The following SCFD2 variants were observed in gnomAD, a reference collection of about 807,000 sequenced individuals.
SCFD2 encodes the protein sec1 family domain-containing protein 2.
A neutral mutation model predicts 58.9 loss-of-function variants in SCFD2; 54 were observed. That is an observed-to-expected ratio of 0.92 (90% confidence interval 0.74 to 1.15). The LOEUF (loss-of-function observed/expected upper bound fraction) is 1.15, where lower values mean the gene tolerates loss of function less well. Among genes scored for constraint, SCFD2 ranks in the 50% most tolerant of loss-of-function variants. The pLI is 0.00. For missense variants in SCFD2, 805 were observed against 836.6 expected, an observed-to-expected ratio of 0.96 and a Z score of 0.47; for synonymous variants, 321 against 335.9, an observed-to-expected ratio of 0.96 and a Z score of 0.49.
At chr4:53,300,386 CAAG>C (rs1398696464) in intron 3 of SCFD2, among the ~76,000 whole-genome samples, 2 of 152,168 alleles carry the variant, frequency 1.3e-5, no homozygotes, top group African/African-American at 2.4e-5. Flanking sequence ...ATCAATTCAA[CAAG>C]AAGAACTAAC....
At chr4:52,912,459 G>A (rs1315682571) in intron 6 of SCFD2, among the ~76,000 whole-genome samples, 4 of 151,950 alleles carry the variant, frequency 2.6e-5, no homozygotes, top group Admixed American at 2.0e-4. Flanking sequence ...AGTAAACGAT[G>A]TAAATATTAA....
chr4:53,002,680 G>A (rs1721889095), intron 5 of SCFD2, among the ~76,000 whole-genome samples: 1 of 152,110 alleles, frequency 6.6e-6, no homozygotes. Context: ...AGATCTATAA[G>A]CAAATATATA....
At chr4:53,157,745 T>C (rs1726733373) in intron 4 of SCFD2, among the ~76,000 whole-genome samples, 1 of 152,184 alleles carries the variant, frequency 6.6e-6, no homozygotes, top group Non-Finnish European at 1.5e-5. Flanking sequence ...TCAATATCAA[T>C]AGTTACCAAT....
chr4:52,969,992 A>G (rs1721056454), intron 5 of SCFD2, among the ~76,000 whole-genome samples: 1 of 152,204 alleles, frequency 6.6e-6, no homozygotes, highest in African/African-American at 2.4e-5. Flanking sequence ...AAATGTTTAA[A>G]GAGGGTAAAA....
At chr4:53,063,107 C>T (rs10517275) in intron 5 of SCFD2, among the ~76,000 whole-genome samples, 1,622 of 151,950 alleles carry the variant, frequency 0.011, 29 homozygotes, top group African/African-American at 0.037. Flanking sequence ...GTTTTGCATA[C>T]AAAAATAGGA....
intron 4 of SCFD2, among the ~76,000 whole-genome samples, chr4:53,203,211 A>C (rs1430731247): frequency 6.6e-6 from 1 of 152,184 alleles, no homozygotes; most frequent in Non-Finnish European, 1.5e-5. Context: ...ATCAATACCT[A>C]ATTTATTGAG....
chr4:53,106,863 A>G lies in SCFD2; in HGVS notation c.1561+38470T>C, dbSNP rs189465184. 1.1e-4 allele frequency among the ~76,000 whole-genome samples: 16 copies of G among 152,294 alleles called. No individual in the cohort carries two copies. In the East Asian group the frequency reaches 1.9e-3, roughly 18 times the overall value. On this transcript the variant is annotated intron_variant, in intron 5 of 8. Transcript: ENST00000401642. ...AAGACAGGCCAACATTCAAATTCAG[A>G]AAATACACAGAACACCACAAAGATA...
chr4:53,320,728 C>T (rs1206217981), intron 2 of SCFD2, among the ~76,000 whole-genome samples: 1 of 152,156 alleles, frequency 6.6e-6, no homozygotes, highest in Non-Finnish European at 1.5e-5. Context: ...AAGTGAATAT[C>T]CCATGCTGCT....
intron 5 of SCFD2, among the ~76,000 whole-genome samples, chr4:53,077,880 T>A (rs192760124): frequency 6.6e-6 from 1 of 152,336 alleles, no homozygotes; most frequent in East Asian, 1.9e-4. Flanking sequence ...TTACTGGATT[T>A]TATGTCTAAA....
chr4:53,134,441 G>T (rs1433735119), intron 5 of SCFD2, among the ~76,000 whole-genome samples: 2 of 151,910 alleles, frequency 1.3e-5, no homozygotes, highest in African/African-American at 2.4e-5. Flanking sequence ...TTTAAACAAG[G>T]TAATGAACAG....
intron 5 of SCFD2, among the ~76,000 whole-genome samples, chr4:53,097,989 T>A (rs1209354046): frequency 6.6e-6 from 1 of 152,214 alleles, no homozygotes; most frequent in Admixed American, 6.5e-5. Flanking sequence ...GGCTTTTGTC[T>A]TTGGTTCTGT....
chr4:53,125,902 T>C (rs1047269582), intron 5 of SCFD2, among the ~76,000 whole-genome samples: 3 of 152,096 alleles, frequency 2.0e-5, no homozygotes, highest in African/African-American at 4.8e-5. Context: ...GGGAAGAGTA[T>C]GGGAGAGCAT....
intron 2 of SCFD2, among the ~76,000 whole-genome samples, chr4:53,338,122 T>A: frequency 6.6e-6 from 1 of 152,198 alleles, no homozygotes; most frequent in African/African-American, 2.4e-5. Flanking sequence ...TTGCTGATAC[T>A]TTGATTTTAG....
At chr4:53,106,150 A>T (rs1460197807) in intron 5 of SCFD2, among the ~76,000 whole-genome samples, 1 of 152,204 alleles carries the variant, frequency 6.6e-6, no homozygotes, top group Admixed American at 6.5e-5. Context: ...AAGGAAAACA[A>T]ATAAACAGAA....
intron 2 of SCFD2, among the ~76,000 whole-genome samples, chr4:53,333,637 C>T (rs1198243767): frequency 2.7e-5 from 4 of 146,688 alleles, no homozygotes; most frequent in Non-Finnish European, 6.0e-5. Flanking sequence ...GACCTAAAAC[C>T]ATAAAAACCC....
intron 8 of SCFD2, among the ~76,000 whole-genome samples, chr4:52,884,064 C>T (rs1033186740): frequency 3.3e-5 from 5 of 152,182 alleles, no homozygotes; most frequent in Admixed American, 6.5e-5. Context: ...GTCAATAAAC[C>T]CCTCAAACTA....
At chr4:53,009,449 C>T (rs149842535) in intron 5 of SCFD2, among the ~76,000 whole-genome samples, 6 of 152,280 alleles carry the variant, frequency 3.9e-5, no homozygotes, top group Non-Finnish European at 8.8e-5. Context: ...TGGAAGAACA[C>T]ATGGTATGCA....
At chr4:53,189,669 T>C (rs1727838294) in intron 4 of SCFD2, among the ~76,000 whole-genome samples, 1 of 152,146 alleles carries the variant, frequency 6.6e-6, no homozygotes, top group African/African-American at 2.4e-5. Flanking sequence ...CCAAATACCA[T>C]CACATTGGAG....
intron 5 of SCFD2, among the ~76,000 whole-genome samples, chr4:53,102,699 A>T (rs2148876565): frequency 6.6e-6 from 1 of 152,254 alleles, no homozygotes; most frequent in Non-Finnish European, 1.5e-5. Flanking sequence ...CATCAGTTTG[A>T]CAAAAAAACA....
Sources: allele counts gnomAD v4.1 joint callset (sites outside exome capture counted in the v4.1 genomes callset), GRCh38; gene constraint gnomAD v4.1.1; transcripts MANE v1.5; gene names NCBI Gene and HGNC (gene_info 2026-07-23, HGNC 2026-07-21).